Variants in SLC7A2 observed in about 807,000 individuals in gnomAD.
The protein encoded by SLC7A2 is cationic amino acid transporter 2.
A neutral mutation model predicts 58.9 loss-of-function variants in SLC7A2; 48 were observed. That is an observed-to-expected ratio of 0.82 (90% confidence interval 0.65 to 1.04). SLC7A2 has a LOEUF of 1.04. Ranked by LOEUF, SLC7A2 falls within the 50% of genes least tolerant of loss-of-function variation. The probability of loss-of-function intolerance (pLI) is 0.00; values close to 1 mark genes in which losing one functional copy is unlikely to be tolerated. For missense variants in SLC7A2, 1,029 were observed against 818.8 expected (o/e 1.26, Z -3.13); for synonymous variants, 363 against 314.5 (o/e 1.15, Z -1.63).
In SLC7A2 at chr8:17,562,494, C is replaced by T. The variant is rs559343653; in HGVS notation, c.1671+384C>T. ...TGCTGGGATTATATGTGTGAGCCAC[C>T]GTGCCCTGCTTATTTTTGTATTTTT... is the stretch of plus-strand genomic sequence containing the variant. On this transcript the variant is annotated intron_variant, in intron 11 of 12. Coordinates refer to ENST00000494857, the MANE Select transcript of SLC7A2 (RefSeq NM_001370338.1). Among the ~76,000 whole-genome samples the T allele has an allele frequency of 7.9e-5, 12 of 152,054 alleles. No individual in the cohort carries two copies. In the South Asian group the frequency reaches 2.1e-3, roughly 26 times the overall value.
chr8:17,500,053 T>G (rs557120907), intron 1 of SLC7A2: 20 of 152,364 alleles, frequency 1.3e-4, no homozygotes, highest in African/African-American at 4.3e-4. Context: ...CTCTGTACAC[T>G]GGAAAATCAA....
chr8:17,500,967 A>G (rs192910260), intron 1 of SLC7A2, among the ~76,000 whole-genome samples: 1 of 151,422 alleles, frequency 6.6e-6, no homozygotes, highest in African/African-American at 2.4e-5. Context: ...ATATCAGTCT[A>G]TGGAAGCAAG....
chr8:17,559,898 T>A (rs1802882776), intron 9 of SLC7A2, among the ~76,000 whole-genome samples: 1 of 152,170 alleles, frequency 6.6e-6, no homozygotes, highest in African/African-American at 2.4e-5. Flanking sequence ...TAGGGAAGGA[T>A]GAGGCCAGAA....
At chr8:17,552,548 AATT>A in intron 7 of SLC7A2, among the ~76,000 whole-genome samples, 2 of 147,898 alleles carry the variant, frequency 1.4e-5, no homozygotes, top group Non-Finnish European at 3.0e-5. Flanking sequence ...TAGAAATAGA[AATT>A]ATCATTCTTA....
intron 4 of SLC7A2, among the ~76,000 whole-genome samples, chr8:17,547,971 A>T (rs1009148143): frequency 2.0e-5 from 3 of 152,184 alleles, no homozygotes; most frequent in Admixed American, 1.3e-4. Flanking sequence ...CTTTTTTGGC[A>T]CAATTGAAGT....
chr8:17,504,435 G>C (rs921491589), intron 2 of SLC7A2, among the ~76,000 whole-genome samples: 1 of 152,180 alleles, frequency 6.6e-6, no homozygotes, highest in East Asian at 1.9e-4. Context: ...ATTTTTAAAT[G>C]TTTATGTAAT....
intron 1 of SLC7A2, among the ~76,000 whole-genome samples, chr8:17,501,077 G>A (rs544833850): frequency 1.3e-5 from 2 of 151,340 alleles, no homozygotes; most frequent in African/African-American, 2.4e-5. Context: ...GCAGTGGTGC[G>A]ACCTTGGCTC....
chr8:17,547,180 C>T (rs1356231067), intron 4 of SLC7A2, among the ~76,000 whole-genome samples: 1 of 152,130 alleles, frequency 6.6e-6, no homozygotes, highest in Non-Finnish European at 1.5e-5. Flanking sequence ...TTAATGGACT[C>T]ACAGTTCCAC....
chr8:17,543,143 C>T (rs548304730), intron 2 of SLC7A2, among the ~76,000 whole-genome samples, 175 bp from the exon 3 acceptor site: 12 of 151,940 alleles, frequency 7.9e-5, no homozygotes, highest in African/African-American at 2.7e-4. Flanking sequence ...GTTATTAAAC[C>T]TTCCTTCTGA....
intron 2 of SLC7A2, among the ~76,000 whole-genome samples, chr8:17,508,614 C>T (rs1800470299): frequency 6.6e-6 from 1 of 152,050 alleles, no homozygotes; most frequent in Non-Finnish European, 1.5e-5. Context: ...ATCCTATCTG[C>T]TCAGGAGGCT....
At position 17,566,815 on chromosome 8, in the gene SLC7A2, G is replaced by A. The variant is rs556660091; in HGVS notation, c.*1669G>A. The stretch of plus-strand genomic sequence containing the variant: ...TAAATAGTTCATTGGATGAGGCTGG[G>A]TGACATTTCCCAGGACAGCATGGTG... On this transcript the variant is annotated 3_prime_UTR_variant, in exon 13 of 13. Coordinates refer to ENST00000494857, the MANE Select transcript of SLC7A2 (RefSeq NM_001370338.1). 1.3e-5 allele frequency: 2 copies of A among 152,248 alleles called. No individual in the cohort carries two copies. Among genetic ancestry groups the A allele is most frequent in the Non-Finnish European group, 2.9e-5 (2 of 68,026 alleles). The allele number at this position is 152,248 out of a possible 1,614,324, so 9.4% of individuals were successfully genotyped here.
At chr8:17,540,394 A>G (rs542937339) in intron 2 of SLC7A2, among the ~76,000 whole-genome samples, 2 of 152,078 alleles carry the variant, frequency 1.3e-5, no homozygotes, top group East Asian at 1.9e-4. Flanking sequence ...GACAAATGGG[A>G]TCTTTGTCTT....
At chr8:17,537,157 A>G (rs1585228336) in intron 2 of SLC7A2, among the ~76,000 whole-genome samples, 1 of 152,306 alleles carries the variant, frequency 6.6e-6, no homozygotes, top group East Asian at 1.9e-4. Flanking sequence ...CCTGAGTTCA[A>G]GCAATTCTCC....
intron 2 of SLC7A2, among the ~76,000 whole-genome samples, chr8:17,513,706 T>C (rs952766825): frequency 6.6e-6 from 1 of 152,194 alleles, no homozygotes; most frequent in African/African-American, 2.4e-5. Flanking sequence ...CAGAATCAAA[T>C]GATAGTGAAG....
At chr8:17,521,674 A>G (rs537670999) in intron 2 of SLC7A2, among the ~76,000 whole-genome samples, 122 of 152,342 alleles carry the variant, frequency 8.0e-4, no homozygotes, top group African/African-American at 2.8e-3. Context: ...TCTGGCAGCA[A>G]GCCTCTCATT....
intron 5 of SLC7A2, among the ~76,000 whole-genome samples, chr8:17,549,560 G>T (rs924945575): frequency 6.6e-6 from 1 of 152,164 alleles, no homozygotes; most frequent in Non-Finnish European, 1.5e-5. Context: ...TTTGAGTCCT[G>T]CATCCTTTAG....
intron 2 of SLC7A2, among the ~76,000 whole-genome samples, chr8:17,513,255 A>G (rs1800675958): frequency 6.6e-6 from 1 of 152,144 alleles, no homozygotes; most frequent in South Asian, 2.1e-4. Flanking sequence ...AGCAGTGGCT[A>G]TTTTACATTA....
intron 2 of SLC7A2, among the ~76,000 whole-genome samples, chr8:17,520,322 C>G (rs1418744264): frequency 6.6e-6 from 1 of 151,948 alleles, no homozygotes; most frequent in Non-Finnish European, 1.5e-5. Context: ...ACATAAAATG[C>G]ACACACACGC....
At position 17,560,488 on chromosome 8, in the gene SLC7A2, A is replaced by G. The variant is rs774331805; in HGVS notation, c.1459A>G (p.Thr487Ala). 2 of 1,613,946 alleles carry G rather than the reference A, an allele frequency of 1.2e-6. No homozygotes were observed. The highest frequency in any genetic ancestry group is 1.1e-5 in the South Asian group (1 of 91,070). The change falls in exon 10 of 13, where the codon ACA (threonine) becomes GCA (alanine). Residue 487 changes from threonine to alanine, a missense_variant. Physicochemically the swap from Thr to Ala is moderately conservative, Grantham distance 58. Coordinates refer to ENST00000494857, the MANE Select transcript of SLC7A2 (RefSeq NM_001370338.1). Reference protein sequence around the residue: ...RTLFCPSLLPTQQSASLVSFL... With the variant: ...RTLFCPSLLPAQQSASLVSFL... ...CCTCTTCTGCCCCTCCCTTCTGCCA[A>G]CACAGCAGTCAGCTTCTCTCGTGAG...
Sources: allele counts gnomAD v4.1 joint callset (sites outside exome capture counted in the v4.1 genomes callset), GRCh38; gene constraint gnomAD v4.1.1; transcripts MANE v1.5; gene names NCBI Gene and HGNC (gene_info 2026-07-23, HGNC 2026-07-21).